Variants in ZC3H7A observed in about 807,000 individuals in gnomAD.
ZC3H7A encodes zinc finger CCCH-type containing 7A.
A neutral mutation model predicts 125.5 loss-of-function variants in ZC3H7A; 44 were observed. The ratio of observed to expected loss-of-function variants is 0.35; its 90% CI spans 0.28 to 0.45. ZC3H7A has a LOEUF of 0.45. Among genes scored for constraint, ZC3H7A ranks in the 20% least tolerant of loss-of-function variants. The pLI, the probability that ZC3H7A is intolerant of heterozygous loss-of-function variation, is 1.00. For synonymous variants in ZC3H7A, 399 were observed against 391.2 expected (o/e 1.02, Z -0.23); for missense variants, 977 against 1,170.7 (o/e 0.83, Z 2.41).
At chr16:11,752,100 T>G (rs2052563484) in intron 22 of ZC3H7A, among the ~76,000 whole-genome samples, 1 of 151,760 alleles carries the variant, frequency 6.6e-6, no homozygotes, top group South Asian at 2.1e-4. Context: ...GAGACAGGGT[T>G]TCACCATGTT....
intron 1 of ZC3H7A, 122 bp downstream of exon 1, chr16:11,796,991 GCCGCCCCTCCC>G (rs1380159453): frequency 1.4e-5 from 2 of 147,674 alleles, no homozygotes; most frequent in Admixed American, 1.3e-4. Flanking sequence ...CCCGGACCCC[GCCGCCCCTCCC>G]CCGCCCCGCC....
At chr16:11,759,590 A>C (rs955119710) in intron 19 of ZC3H7A, 4 of 152,254 alleles carry the variant, frequency 2.6e-5, no homozygotes, top group Admixed American at 6.5e-5. Flanking sequence ...AGTCTTTCAA[A>C]GCTCAATGAT....
chr16:11,760,260 C>G (rs1281324961), intron 19 of ZC3H7A, among the ~76,000 whole-genome samples: 1 of 151,990 alleles, frequency 6.6e-6, no homozygotes, highest in South Asian at 2.1e-4. Context: ...AACCAATACT[C>G]TAAGCAGCTG....
rs757401682 is a variant in ZC3H7A, at chr16:11,774,528, C to G, written c.620-9G>C. 6.6e-7 allele frequency: 1 copy of G among 1,513,618 alleles called. No homozygotes were observed. Among genetic ancestry groups the G allele is most frequent in the Non-Finnish European group, 8.8e-7 (1 of 1,130,380 alleles). The allele number at this position is 1,513,618 out of a possible 1,614,324, so 93.8% of individuals were successfully genotyped here. On this transcript the variant is annotated splice_polypyrimidine_tract_variant and intron_variant, in intron 8 of 22. Transcript: ENST00000355758. ...CCTTGGAGTTAATAAATCTGTAACA[C>G]AGATGGAAATGTACTCAGTCACTTT... is the stretch of plus-strand genomic sequence containing the variant.
intron 10 of ZC3H7A, 102 bp from the exon 11 acceptor site, chr16:11,769,197 C>A (rs1226108614): frequency 6.3e-6 from 6 of 957,068 alleles, no homozygotes; most frequent in East Asian, 2.9e-5. Flanking sequence ...ACGCTATTCT[C>A]CCGTCCCAGT....
At chr16:11,789,883 C>G (rs750470652) in intron 1 of ZC3H7A, among the ~76,000 whole-genome samples, 6 of 151,870 alleles carry the variant, frequency 4.0e-5, no homozygotes, top group Non-Finnish European at 8.8e-5. Flanking sequence ...GAGTTCCAGA[C>G]CAGCCCAGCC....
intron 1 of ZC3H7A, among the ~76,000 whole-genome samples, chr16:11,786,559 A>G (rs2053259889): frequency 6.6e-6 from 1 of 152,228 alleles, no homozygotes. Context: ...GCGTGTGGCA[A>G]AGAGCTGACA....
At position 11,761,986 on chromosome 16, in the gene ZC3H7A, C is replaced by A. The variant is rs746259386; in HGVS notation, c.2137G>T (p.Ala713Ser). Residue 713 changes from alanine (A) to serine (S), a missense_variant, in exon 18 of 23, where the codon GCC (alanine) becomes TCC (serine). Ala to Ser is a moderately conservative substitution (Grantham distance 99). Coordinates refer to ENST00000355758, the MANE Select transcript of ZC3H7A (RefSeq NM_014153.4). ...ACTTGACCGTTTCTCAGACACTGGG[C>A]GCACACAAACTTTATCTTCATATTA... ...FLNMKIKFVC[A>S]QCLRNGQVIE... The A allele has an allele frequency of 3.7e-6, 6 of 1,613,042 alleles. No homozygotes were observed. The Admixed American group carries it at 5.0e-5, about 13-fold the overall frequency.
At chr16:11,777,821 A>G (rs1206413140) in intron 4 of ZC3H7A, among the ~76,000 whole-genome samples, 1 of 151,836 alleles carries the variant, frequency 6.6e-6, no homozygotes, top group Non-Finnish European at 1.5e-5. Context: ...GGAGTTCGAG[A>G]CCAGCCTGAC....
intron 20 of ZC3H7A, among the ~76,000 whole-genome samples, chr16:11,757,256 G>A (rs939948097): frequency 2.0e-5 from 3 of 151,948 alleles, no homozygotes; most frequent in Non-Finnish European, 4.4e-5. Context: ...AGGCTGAGGC[G>A]GGTGGATCAC....
At chr16:11,771,913 G>A (rs1372998760) in intron 9 of ZC3H7A, among the ~76,000 whole-genome samples, 1 of 152,028 alleles carries the variant, frequency 6.6e-6, no homozygotes, top group African/African-American at 2.4e-5. Context: ...CATCATATGA[G>A]GCTGGGCATG....
Position 11,781,418 on chromosome 16 carries a change from T to C in ZC3H7A, c.108+7A>G. ...AGCTTTCAAGCAGACCTTCCCGGAG[T>C]CATTACCGCATATTGCTCCTGTGTT... is the stretch of plus-strand genomic sequence containing the variant. On this transcript the variant is annotated splice_region_variant and intron_variant, in intron 3 of 22. Coordinates refer to ENST00000355758, the MANE Select transcript of ZC3H7A (RefSeq NM_014153.4). 1 of 1,601,124 alleles carries C rather than the reference T, an allele frequency of 6.2e-7. No homozygotes were observed. The highest frequency in any genetic ancestry group is 8.5e-7 in the Non-Finnish European group (1 of 1,171,204).
At chr16:11,795,145 C>A (rs546390870) in intron 1 of ZC3H7A, among the ~76,000 whole-genome samples, 2 of 152,232 alleles carry the variant, frequency 1.3e-5, no homozygotes, top group African/African-American at 4.8e-5. Flanking sequence ...AATTTTTCAA[C>A]AGGGAAAATA....
At chr16:11,758,634 C>T (rs1211250093) in intron 19 of ZC3H7A, 95 bp from the exon 20 acceptor site, 2 of 771,286 alleles carry the variant, frequency 2.6e-6, no homozygotes, top group Non-Finnish European at 4.2e-6. Context: ...ATTATCCATG[C>T]TAATACTTAG....
chr16:11,795,872 A>G (rs2053428659), intron 1 of ZC3H7A, among the ~76,000 whole-genome samples: 1 of 152,190 alleles, frequency 6.6e-6, no homozygotes, highest in Non-Finnish European at 1.5e-5. Flanking sequence ...GCACAATCTC[A>G]GCTCACCGAA....
At chr16:11,785,565 G>T (rs377235806) in intron 1 of ZC3H7A, among the ~76,000 whole-genome samples, 1 of 149,506 alleles carries the variant, frequency 6.7e-6, no homozygotes, top group Non-Finnish European at 1.5e-5. Context: ...AATGCCTGAA[G>T]AAATTATAGG....
chr16:11,755,376 G>A (rs1325502239), intron 21 of ZC3H7A, among the ~76,000 whole-genome samples: 1 of 152,106 alleles, frequency 6.6e-6, no homozygotes, highest in Non-Finnish European at 1.5e-5. Context: ...GTTAACATCA[G>A]TTAACTTGCG....
chr16:11,768,416 C>A lies in ZC3H7A; in HGVS notation c.1259G>T (p.Gly420Val). 6.3e-7 allele frequency: 1 copy of A among 1,593,232 alleles called. No individual in the cohort carries two copies. The highest frequency in any genetic ancestry group is 1.1e-5 in the South Asian group (1 of 87,408). ...TGAAGATGGTTTGGTAACTGCACTTCCAAAAAAGTTTCCAAAGTCATTTCT... is the reference window on the plus strand; with the variant it reads ...TGAAGATGGTTTGGTAACTGCACTTACAAAAAAGTTTCCAAAGTCATTTCT... ...QPRNDFGNFF[G>V]SAVTKPSSSV... is the part of the protein sequence containing the mutation. The change falls in exon 12 of 23, where the codon GGA becomes GTA. Residue 420 changes from glycine (G) to valine (V), a missense_variant. This residue lies in a region of ZC3H7A where 342 missense variants were observed against 311.3 expected (regional missense o/e 1.10). Coordinates refer to ENST00000355758, the MANE Select transcript of ZC3H7A (RefSeq NM_014153.4).
intron 21 of ZC3H7A, 38 bp from the exon 22 acceptor site, chr16:11,752,870 T>C (rs371805964): frequency 6.3e-7 from 1 of 1,591,902 alleles, no homozygotes; most frequent in African/African-American, 1.4e-5. Flanking sequence ...ATTAGTCACC[T>C]GATGTGAGAT....
Sources: gnomAD v4.1 joint callset for allele counts (sites outside exome capture counted in the v4.1 genomes callset) on GRCh38, gnomAD v4.1.1 for gene constraint, gnomAD v4.1.1 regional missense constraint, MANE v1.5 for transcripts, NCBI Gene and HGNC (gene_info 2026-07-23, HGNC 2026-07-21) for gene names.